Variants in BLTP3B observed in about 807,000 individuals in gnomAD.
BLTP3B encodes the protein bridge-like lipid transfer protein family member 3B, also known as UHRF1 (ICBP90) binding protein 1-like.
chr12:100,088,973 ATGATG>A, the BLTP3B span: 1 of 1,501,366 alleles, frequency 6.7e-7, no homozygotes, highest in Non-Finnish European at 8.9e-7. Context: ...AAATCACTAA[ATGATG>A]GGAGGTTTCC....
the BLTP3B span, among the ~76,000 whole-genome samples, chr12:100,065,422 A>C: frequency 6.6e-6 from 1 of 152,214 alleles, no homozygotes; most frequent in Admixed American, 6.5e-5. Flanking sequence ...GAGAGCCTAT[A>C]AACGGACGTG....
chr12:100,054,122 T>C, the BLTP3B span, among the ~76,000 whole-genome samples: 5 of 152,206 alleles, frequency 3.3e-5, no homozygotes, highest in Non-Finnish European at 5.9e-5. Context: ...ATAGCACTTT[T>C]ATAACTGATA....
chr12:100,128,557 A>G, the BLTP3B span: 17 of 1,178,896 alleles, frequency 1.4e-5, no homozygotes, highest in Non-Finnish European at 1.8e-5. Flanking sequence ...AAAAAAAAAA[A>G]GCATGGGGAA....
At chr12:100,089,176 A>G in the BLTP3B span, 2 of 1,226,758 alleles carry the variant, frequency 1.6e-6, no homozygotes, top group Non-Finnish European at 2.2e-6. Context: ...TTTTCAGTCG[A>G]AAGTCATGAA....
the BLTP3B span, among the ~76,000 whole-genome samples, chr12:100,130,539 A>T: frequency 6.6e-6 from 1 of 152,196 alleles, no homozygotes; most frequent in African/African-American, 2.4e-5. Flanking sequence ...TATATTCTTT[A>T]AAAATAAGAT....
At chr12:100,048,358 T>C in the BLTP3B span, among the ~76,000 whole-genome samples, 1 of 152,180 alleles carries the variant, frequency 6.6e-6, no homozygotes, top group African/African-American at 2.4e-5. Context: ...CTAATTTCAA[T>C]ATTTTATGGC....
At chr12:100,107,540 C>T in the BLTP3B span, among the ~76,000 whole-genome samples, 1 of 151,472 alleles carries the variant, frequency 6.6e-6, no homozygotes, top group Non-Finnish European at 1.5e-5. Flanking sequence ...GAGGCTGAGG[C>T]AGGGGAATCG....
chr12:100,057,345 T>TG, the BLTP3B span, among the ~76,000 whole-genome samples: 5 of 152,220 alleles, frequency 3.3e-5, no homozygotes, highest in East Asian at 9.6e-4. Context: ...TAAGTCTTTT[T>TG]GGGGGGCTAT....
At chr12:100,070,201 TAAAC>T in the BLTP3B span, 2 of 1,554,186 alleles carry the variant, frequency 1.3e-6, no homozygotes, top group Non-Finnish European at 1.7e-6. Flanking sequence ...CACACACAGA[TAAAC>T]AAAACAAAAC....
chr12:100,137,916 T>C, the BLTP3B span, among the ~76,000 whole-genome samples: 4 of 152,192 alleles, frequency 2.6e-5, no homozygotes, highest in Admixed American at 6.5e-5. Flanking sequence ...CCTTTGCCAT[T>C]GCTAATTGAA....
the BLTP3B span, among the ~76,000 whole-genome samples, chr12:100,071,448 G>A: frequency 7.8e-6 from 1 of 127,760 alleles, no homozygotes; most frequent in Non-Finnish European, 1.5e-5. Context: ...AGTGAGCCAA[G>A]ATCACGCCAC....
chr12:100,142,268 C>G, the BLTP3B span, among the ~76,000 whole-genome samples: 1 of 152,236 alleles, frequency 6.6e-6, no homozygotes, highest in Non-Finnish European at 1.5e-5. Context: ...CTCCAGCCTC[C>G]GCTCAGTACC....
At chr12:100,095,557 T>C in the BLTP3B span, 5 of 1,204,714 alleles carry the variant, frequency 4.2e-6, no homozygotes, top group Non-Finnish European at 5.8e-6. Flanking sequence ...AAGATTCTTG[T>C]ACTCAAAACC....
At chr12:100,065,899 C>T in the BLTP3B span, among the ~76,000 whole-genome samples, 1 of 152,172 alleles carries the variant, frequency 6.6e-6, no homozygotes, top group East Asian at 1.9e-4. Flanking sequence ...CACCCCCTCC[C>T]CTTTTGAAGT....
the BLTP3B span, among the ~76,000 whole-genome samples, chr12:100,129,487 C>T: frequency 1.3e-5 from 2 of 152,156 alleles, no homozygotes; most frequent in African/African-American, 4.8e-5. Flanking sequence ...AAAGATACAA[C>T]GGTGAACAAG....
the BLTP3B span, among the ~76,000 whole-genome samples, chr12:100,112,858 CAA>C: frequency 1.1e-3 from 67 of 60,582 alleles, no homozygotes; most frequent in South Asian, 5.4e-3. Context: ...GACTCCATCT[CAA>C]AAAAAAAAAA....
the BLTP3B span, chr12:100,098,243 T>C: frequency 4.9e-6 from 6 of 1,231,224 alleles, no homozygotes; most frequent in African/African-American, 9.2e-5. Flanking sequence ...AAAAAAGTAA[T>C]ACAGAGAAAA....
the BLTP3B span, among the ~76,000 whole-genome samples, chr12:100,140,729 A>AATATATATAT: frequency 5.7e-4 from 35 of 61,480 alleles, no homozygotes; most frequent in African/African-American, 2.3e-3. Context: ...AAAAAAAAAA[A>AATATATATAT]ATATATATAT....
At chr12:100,039,638 T>A in the BLTP3B span, 1 of 1,613,928 alleles carries the variant, frequency 6.2e-7, no homozygotes, top group South Asian at 1.1e-5. Flanking sequence ...GAAAGTTAGC[T>A]GACTGAGAAG....
Sources: allele counts gnomAD v4.1 joint callset (sites outside exome capture counted in the v4.1 genomes callset), GRCh38; gene constraint gnomAD v4.1.1; transcripts MANE v1.5; gene names NCBI Gene and HGNC (gene_info 2026-07-23, HGNC 2026-07-21).